The following TEX11 variants were observed in gnomAD, a reference collection of about 807,000 sequenced individuals.
TEX11 encodes testis expressed 11, also known as testis-expressed protein 11.
In TEX11, 7 loss-of-function variants were observed where a neutral mutation model predicts 84.4. The ratio of observed to expected loss-of-function variants is 0.08; its 90% CI spans 0.05 to 0.16. The LOEUF (loss-of-function observed/expected upper bound fraction) is 0.16, where lower values mean the gene tolerates loss of function less well. Ranked by LOEUF, TEX11 falls within the 10% of genes least tolerant of loss-of-function variation. The pLI, the probability that TEX11 is intolerant of heterozygous loss-of-function variation, is 1.00. For synonymous variants in TEX11, 264 were observed against 222.8 expected (o/e 1.18, Z -1.64); for missense variants, 551 against 660.5 (o/e 0.83, Z 1.82).
At chrX:70,753,442 C>T (rs1394705453) in intron 9 of TEX11, among the ~76,000 whole-genome samples, 1 of 98,662 alleles carries the variant, frequency 1.0e-5, no homozygotes, top group African/African-American at 3.5e-5. Context: ...GGTTGTGAGG[C>T]CCCCTTTCAG....
chrX:70,751,197 G>A (rs1407373606), intron 9 of TEX11, among the ~76,000 whole-genome samples: 7 of 105,255 alleles, frequency 6.7e-5, no homozygotes, highest in Non-Finnish European at 1.2e-4. Context: ...TGTTTATTGC[G>A]GCACTATTCA....
rs1167182936 is a variant in TEX11, at chrX:70,792,287, CAAAAAAAAAAAAAAAAA to C, written c.692+14401_692+14417del. On this transcript the variant is annotated intron_variant, in intron 9 of 29. Transcript: ENST00000374333. ...TGAGCTACAGGGCAAGGCTCTGTCT[CAAAAAAAAAAAAAAAAA>C]AAAAAAAAAAAATATATATATATAT... is the stretch of plus-strand genomic sequence containing the variant. Among the ~76,000 whole-genome samples, 2 of 1,810 alleles carry C rather than the reference CAAAAAAAAAAAAAAAAA, an allele frequency of 1.1e-3. 1 individual carries two copies. The highest frequency in any genetic ancestry group is 0.029 in the East Asian group (2 of 70). The allele number at this position is 1,810 out of a possible 115,157, so 1.6% of individuals were successfully genotyped here.
chrX:70,585,529 A>G (rs1259415551), intron 25 of TEX11, among the ~76,000 whole-genome samples: 1 of 112,105 alleles, frequency 8.9e-6, no homozygotes, highest in Non-Finnish European at 1.9e-5. Flanking sequence ...ATGGAATTGT[A>G]AGGTGCCCCA....
intron 9 of TEX11, among the ~76,000 whole-genome samples, chrX:70,763,077 C>T (rs779118919): frequency 8.9e-6 from 1 of 111,845 alleles, no homozygotes; most frequent in African/African-American, 3.2e-5. Context: ...ATTAGAACTA[C>T]CATTCGATCC....
intron 25 of TEX11, among the ~76,000 whole-genome samples, chrX:70,566,129 A>G (rs1440684027): frequency 1.9e-5 from 2 of 106,890 alleles, no homozygotes; most frequent in African/African-American, 7.0e-5. Context: ...CATCCCTTGT[A>G]AGTTGGATTC....
intron 13 of TEX11, among the ~76,000 whole-genome samples, chrX:70,701,846 T>C (rs1217225648): frequency 2.7e-5 from 3 of 111,247 alleles, no homozygotes; most frequent in African/African-American, 9.8e-5. Context: ...AAGACTTCAG[T>C]GGAGGAAGTA....
At chrX:70,725,868 C>T (rs1431872364) in intron 11 of TEX11, among the ~76,000 whole-genome samples, 1 of 111,900 alleles carries the variant, frequency 8.9e-6, no homozygotes, top group Non-Finnish European at 1.9e-5. Flanking sequence ...CTTTAAACAA[C>T]TTTCTAAGAC....
At chrX:70,832,619 A>G (rs1035420840) in intron 8 of TEX11, among the ~76,000 whole-genome samples, 3 of 112,025 alleles carry the variant, frequency 2.7e-5, no homozygotes, top group African/African-American at 9.7e-5. Flanking sequence ...ATTCTCCCTA[A>G]TATCCAATTA....
intron 7 of TEX11, 146 bp from the exon 8 acceptor site, chrX:70,833,739 G>C: frequency 2.2e-6 from 1 of 459,052 alleles, no homozygotes; most frequent in Non-Finnish European, 3.7e-6. Context: ...AAGCTAAACA[G>C]ATAGCTTGCT....
At chrX:70,585,851 G>A (rs758422320) in intron 25 of TEX11, among the ~76,000 whole-genome samples, 1 of 112,037 alleles carries the variant, frequency 8.9e-6, no homozygotes, top group Non-Finnish European at 1.9e-5. Context: ...TCAGGAGTTC[G>A]AGACCAGCCT....
At chrX:70,724,343 T>A (rs2090583269) in intron 12 of TEX11, 2 of 411,927 alleles carry the variant, frequency 4.9e-6, no homozygotes, top group African/African-American at 2.8e-5. Flanking sequence ...TGAGGTCTCT[T>A]AAGTGATTGG....
intron 7 of TEX11, among the ~76,000 whole-genome samples, chrX:70,842,542 ACTG>A (rs2091452707): frequency 1.8e-5 from 2 of 111,886 alleles, no homozygotes; most frequent in Admixed American, 9.5e-5. Context: ...ATGGGCAAAC[ACTG>A]GAAGCATTCC....
downstream of TEX11, among the ~76,000 whole-genome samples, chrX:70,525,002 C>T (rs1199936261): frequency 3.6e-5 from 4 of 110,753 alleles, no homozygotes; most frequent in African/African-American, 6.6e-5. Flanking sequence ...AGTGAGACCT[C>T]ATCTCTACTA....
intron 18 of TEX11, among the ~76,000 whole-genome samples, chrX:70,629,334 TGAATTTG>T (rs770838451): frequency 8.9e-6 from 1 of 112,423 alleles, no homozygotes; most frequent in South Asian, 3.7e-4. Flanking sequence ...TATGGCATTT[TGAATTTG>T]GAGTTTCTTT....
In TEX11 at chrX:70,661,736, G is replaced by A. The variant is rs1428886454; in HGVS notation, c.1380+8641C>T. Among the ~76,000 whole-genome samples the A allele has an allele frequency of 7.2e-5, 8 of 111,537 alleles. No homozygotes were observed. In the East Asian group the frequency reaches 1.4e-3, roughly 20 times the overall value. ...TGATATCCACTGTTCTGCAGCCTCC[G>A]CTCTGATACCCAGGCAAACAGGGTC... On this transcript the variant is annotated intron_variant, in intron 16 of 29. Transcript: ENST00000374333.
intron 9 of TEX11, among the ~76,000 whole-genome samples, chrX:70,752,541 A>AG (rs765544335): frequency 1.2e-3 from 133 of 107,193 alleles, no homozygotes; most frequent in African/African-American, 4.4e-3. Context: ...AAAAAAAAAA[A>AG]AAAAGAAAAG....
chrX:70,701,624 T>C (rs2090326799), intron 13 of TEX11, among the ~76,000 whole-genome samples: 1 of 112,350 alleles, frequency 8.9e-6, no homozygotes, highest in Non-Finnish European at 1.9e-5. Context: ...TCTTGTTATT[T>C]AAGAAATACA....
At chrX:70,829,613 CACA>C (rs1242504798) in intron 8 of TEX11, among the ~76,000 whole-genome samples, 2 of 109,532 alleles carry the variant, frequency 1.8e-5, no homozygotes, top group African/African-American at 6.7e-5. Context: ...AAATAATAAC[CACA>C]ACAACTTTTC....
intron 4 of TEX11, among the ~76,000 whole-genome samples, chrX:70,864,092 C>T (rs1035989129): frequency 9.0e-6 from 1 of 111,349 alleles, no homozygotes; most frequent in Non-Finnish European, 1.9e-5. Flanking sequence ...TGTGAAAAGA[C>T]CAAACGTATG....
Sources: gnomAD v4.1 joint callset for allele counts (sites outside exome capture counted in the v4.1 genomes callset) on GRCh38, gnomAD v4.1.1 for gene constraint, MANE v1.5 for transcripts, NCBI Gene and HGNC (gene_info 2026-07-23, HGNC 2026-07-21) for gene names.